Variants in MCF2L observed in about 807,000 individuals in gnomAD.
MCF2L encodes MCF.2 cell line derived transforming sequence like.
MCF2L carries 97 observed loss-of-function variants against 153.4 expected under a neutral mutation model. The ratio of observed to expected loss-of-function variants is 0.63; its 90% CI spans 0.54 to 0.75. The LOEUF (loss-of-function observed/expected upper bound fraction) is 0.75. MCF2L is among the 30% of genes least tolerant of loss of function. The probability of loss-of-function intolerance (pLI) is 0.00; values close to 1 mark genes in which losing one functional copy is unlikely to be tolerated. For missense variants in MCF2L, 1,347 were observed against 1,495.2 expected (o/e 0.90, Z 1.64); for synonymous variants, 659 against 632.2 (o/e 1.04, Z -0.64).
chr13:112,980,383 C>T (rs1290134729), intron 1 of MCF2L, among the ~76,000 whole-genome samples: 2 of 152,250 alleles, frequency 1.3e-5, no homozygotes, highest in Non-Finnish European at 2.9e-5. Context: ...CCTGGAACCA[C>T]GGTGGGCTGT....
intron 2 of MCF2L, among the ~76,000 whole-genome samples, chr13:112,936,894 G>A (rs2081520347): frequency 6.6e-6 from 1 of 152,124 alleles, no homozygotes; most frequent in South Asian, 2.1e-4. Context: ...TGTATTGTTT[G>A]AGACATAATC....
intron 1 of MCF2L, among the ~76,000 whole-genome samples, chr13:112,894,959 G>A (rs2081052182): frequency 7.4e-6 from 1 of 135,762 alleles, no homozygotes; most frequent in Non-Finnish European, 1.6e-5. Context: ...CTGGAGGGGA[G>A]GGTAGCCTGG....
intron 1 of MCF2L, among the ~76,000 whole-genome samples, chr13:112,984,590 A>C (rs2082560802): frequency 6.6e-6 from 1 of 152,250 alleles, no homozygotes; most frequent in South Asian, 2.1e-4. Flanking sequence ...AGTTTCAAAC[A>C]GAATCAGGAT....
At chr13:113,015,446 G>A (rs571451792) in intron 2 of MCF2L, among the ~76,000 whole-genome samples, 7 of 152,208 alleles carry the variant, frequency 4.6e-5, no homozygotes, top group South Asian at 4.1e-4. Context: ...AGGGTGCCCC[G>A]ATGCTGAGGA....
intron 1 of MCF2L, among the ~76,000 whole-genome samples, chr13:113,006,598 G>A (rs1194000601): frequency 3.3e-5 from 5 of 152,218 alleles, no homozygotes; most frequent in South Asian, 4.1e-4. Flanking sequence ...CCGGAAAGGC[G>A]CTGGCAGGCA....
intron 1 of MCF2L, among the ~76,000 whole-genome samples, chr13:112,992,701 G>A (rs1051656275): frequency 6.6e-6 from 1 of 152,212 alleles, no homozygotes; most frequent in South Asian, 2.1e-4. Context: ...TCTAGCTGGG[G>A]AAAGGTGGAA....
chr13:112,967,892 C>T (rs1170307274), upstream of MCF2L: 6 of 161,630 alleles, frequency 3.7e-5, no homozygotes, highest in African/African-American at 1.5e-4. Context: ...TGCCAAATGC[C>T]GGAATGGTAC....
At chr13:112,990,271 G>T (rs546197264) in intron 1 of MCF2L, among the ~76,000 whole-genome samples, 1 of 152,316 alleles carries the variant, frequency 6.6e-6, no homozygotes, top group African/African-American at 2.4e-5. Context: ...ACAGAATGTG[G>T]TGGCTACACC....
chr13:112,990,398 A>G (rs1378698072), intron 1 of MCF2L, among the ~76,000 whole-genome samples: 2 of 152,236 alleles, frequency 1.3e-5, no homozygotes, highest in Non-Finnish European at 2.9e-5. Context: ...GACAAAGTAA[A>G]GAGTGTGCTA....
At position 113,015,336 on chromosome 13, in the gene MCF2L, G is replaced by C. The variant is rs141872420; in HGVS notation, c.163+490G>C. Among the ~76,000 whole-genome samples, 670 of 152,346 alleles carry C rather than the reference G, an allele frequency of 4.4e-3. 8 individuals carry two copies. The highest frequency in any genetic ancestry group is 0.015 in the African/African-American group (636 of 41,578). On this transcript the variant is annotated intron_variant, in intron 2 of 29. Transcript: ENST00000535094. ...TGGGTACAGCAAGGGCACCTGCAGT[G>C]GCCCCGAGCTATGTAGATGCCGTTC... is the stretch of plus-strand genomic sequence containing the variant.
intron 3 of MCF2L, among the ~76,000 whole-genome samples, chr13:113,026,445 C>T (rs1427155044): frequency 6.6e-6 from 1 of 152,218 alleles, no homozygotes; most frequent in South Asian, 2.1e-4. Context: ...CTTTTTCGCT[C>T]CTGAGCTGCC....
chr13:113,076,434 T>C, intron 12 of MCF2L, among the ~76,000 whole-genome samples: 1 of 152,070 alleles, frequency 6.6e-6, no homozygotes. Flanking sequence ...CTGGCTAATT[T>C]TTGTATTTTT....
At chr13:113,090,196 G>A (rs770566896) in intron 26 of MCF2L, 412 of 1,499,792 alleles carry the variant, frequency 2.7e-4, no homozygotes, top group Admixed American at 9.7e-4. Flanking sequence ...CACCCTCACC[G>A]TGGTGGCGTC....
At chr13:112,940,969 T>G in intron 2 of MCF2L, among the ~76,000 whole-genome samples, 1 of 152,138 alleles carries the variant, frequency 6.6e-6, no homozygotes, top group South Asian at 2.1e-4. Flanking sequence ...TGTACAGTCC[T>G]GGAAGAGGAC....
chr13:113,037,042 C>T (rs757502545), intron 3 of MCF2L, among the ~76,000 whole-genome samples: 11 of 152,308 alleles, frequency 7.2e-5, no homozygotes, highest in South Asian at 6.2e-4. Context: ...TAGTGCCGTG[C>T]GGTCCAGCGG....
rs749007723 is a variant in MCF2L at position 113,031,139 on chromosome 13, A to G, written c.278+6381A>G. ...GACAGAGAGTGACAGAGAGACAGACAGAGACAGAGAGAGACAGAGAGAAGA... is the reference window on the plus strand; with the variant it reads ...GACAGAGAGTGACAGAGAGACAGACGGAGACAGAGAGAGACAGAGAGAAGA... On this transcript the variant is annotated intron_variant, in intron 3 of 29. Transcript: ENST00000535094. This position sits in a 1 kb window ranked among gnomAD's most constrained non-coding sequence, Gnocchi z 5.5. Among the ~76,000 whole-genome samples the G allele has an allele frequency of 3.2e-4, 48 of 151,222 alleles. No homozygotes were observed. The highest frequency in any genetic ancestry group is 6.8e-3 in the Middle Eastern group (2 of 294).
chr13:112,949,367 T>C lies in MCF2L; in HGVS notation c.169+46996T>C, dbSNP rs138470812. On this transcript the variant is annotated intron_variant, in intron 2 of 29. Coordinates refer to the MCF2L transcript ENST00000375608. ...TTCCAAAAAATAGAGGAGGAGGCAA[T>C]ACTTCTCAGTCATCTCATGAAGCCA... Among the ~76,000 whole-genome samples the C allele has an allele frequency of 4.4e-3, 668 of 152,254 alleles. 3 individuals are homozygous for C. Among genetic ancestry groups the C allele is most frequent in the African/African-American group, 0.015 (623 of 41,538 alleles).
At chr13:112,990,226 C>T (rs1049877369) in intron 1 of MCF2L, among the ~76,000 whole-genome samples, 4 of 152,236 alleles carry the variant, frequency 2.6e-5, no homozygotes, top group South Asian at 2.1e-4. Flanking sequence ...CCACACCCTT[C>T]GTCACTTTCT....
chr13:112,964,765 T>A (rs1185982007), upstream of MCF2L: 1 of 152,240 alleles, frequency 6.6e-6, no homozygotes, highest in African/African-American at 2.4e-5. Context: ...AAAAATTTGT[T>A]ACAAAGAATA....
Sources: gnomAD v4.1 joint callset for allele counts (sites outside exome capture counted in the v4.1 genomes callset) on GRCh38, gnomAD v4.1.1 for gene constraint, Gnocchi (gnomAD v3.1) non-coding constraint, MANE v1.5 for transcripts, NCBI Gene and HGNC (gene_info 2026-07-23, HGNC 2026-07-21) for gene names.